FA2H: variants seen among roughly 807,000 people sequenced by gnomAD.
The protein encoded by FA2H is fatty acid 2-hydroxylase.
Under a neutral mutation model 44.9 loss-of-function variants are expected in FA2H, and 22 were observed. The ratio of observed to expected loss-of-function variants is 0.49; its 90% confidence interval spans 0.35 to 0.70. The LOEUF (loss-of-function observed/expected upper bound fraction) is 0.70, where lower values mean the gene tolerates loss of function less well. FA2H is among the 30% of genes least tolerant of loss of function. FA2H has a pLI of 0.01. For synonymous variants in FA2H, 243 were observed against 213.2 expected, an observed-to-expected ratio of 1.14 and a Z score of -1.22; for missense variants, 501 against 504.9, an observed-to-expected ratio of 0.99 and a Z score of 0.07.
In FA2H at chr16:74,740,019, G is replaced by A; in HGVS notation, c.363+4C>T. The A allele has an allele frequency of 6.2e-7, 1 of 1,609,082 alleles. No individual in the cohort carries two copies. Among genetic ancestry groups the A allele is most frequent in the Non-Finnish European group, 8.5e-7 (1 of 1,175,526 alleles). On this transcript the variant is annotated splice_donor_region_variant and intron_variant, in intron 2 of 6. Coordinates refer to ENST00000219368, the MANE Select transcript of FA2H (RefSeq NM_024306.5). ...ATCACCCCACTCCATCCTATGCCAG[G>A]TACCTTGTCCCAATCCACCACTTTG...
At chr16:74,724,094 G>A (rs1961897892) in intron 4 of FA2H, among the ~76,000 whole-genome samples, 2 of 152,030 alleles carry the variant, frequency 1.3e-5, no homozygotes, top group Non-Finnish European at 2.9e-5. Flanking sequence ...TAGAGACTGG[G>A]TTTCACCATG....
intron 2 of FA2H, among the ~76,000 whole-genome samples, chr16:74,727,888 G>A (rs530302683): frequency 5.9e-5 from 9 of 152,234 alleles, no homozygotes; most frequent in Admixed American, 1.3e-4. Flanking sequence ...TCTTGGTGTT[G>A]GCCTGGGTAA....
intron 1 of FA2H, among the ~76,000 whole-genome samples, chr16:74,771,189 TTTTTC>T (rs969673317): frequency 6.6e-6 from 1 of 152,214 alleles, no homozygotes; most frequent in African/African-American, 2.4e-5. Context: ...TTTTCTTTTC[TTTTTC>T]CTTTTCTATT....
chr16:74,741,836 GTATGTGTGTGTA>G (rs1962315222), intron 1 of FA2H, among the ~76,000 whole-genome samples: 3 of 70,798 alleles, frequency 4.2e-5, no homozygotes, highest in Admixed American at 1.5e-4. Flanking sequence ...GTGTGTGTGT[GTATGTGTGTGTA>G]TGTGTGTATG....
chr16:74,738,295 T>TG (rs1255039429), intron 2 of FA2H, among the ~76,000 whole-genome samples: 1 of 152,042 alleles, frequency 6.6e-6, no homozygotes, highest in Non-Finnish European at 1.5e-5. Context: ...GAGCAGTCCA[T>TG]GGGGGAGGAG....
chr16:74,714,013 G>A lies in FA2H; in HGVS notation c.*177C>T. On this transcript the variant is annotated 3_prime_UTR_variant, in exon 7 of 7. Transcript: ENST00000219368. ...CAAGTGGATGTGACCCTCCTACCAG[G>A]GGTCAGGAGGGCGGTCCTGCCTCAG... 1 of 593,558 alleles carries A rather than the reference G, an allele frequency of 1.7e-6. No homozygotes were observed. The highest frequency in any genetic ancestry group is 2.0e-5 in the South Asian group (1 of 49,650). The allele number at this position is 593,558 out of a possible 1,614,324, so 36.8% of individuals were successfully genotyped here.
intron 5 of FA2H, among the ~76,000 whole-genome samples, chr16:74,717,341 G>A (rs1019839326): frequency 4.6e-5 from 7 of 152,172 alleles, no homozygotes; most frequent in Admixed American, 6.5e-5. Context: ...AGATGCTGGC[G>A]TGGGCCTCCC....
At chr16:74,714,374 A>T (rs1017719905) in intron 6 of FA2H, 105 bp from the exon 7 acceptor site, 3 of 769,926 alleles carry the variant, frequency 3.9e-6, no homozygotes, top group Admixed American at 4.0e-5. Flanking sequence ...GACAATGTCA[A>T]TATCTGTCCC....
chr16:74,746,972 G>A (rs1435864380), intron 1 of FA2H, among the ~76,000 whole-genome samples: 5 of 152,146 alleles, frequency 3.3e-5, no homozygotes, highest in African/African-American at 1.2e-4. Flanking sequence ...AGAAGTGGGG[G>A]TTGGACCTGG....
At position 74,770,746 on chromosome 16, in the gene FA2H, A is replaced by G. The variant is rs559173697; in HGVS notation, c.270+3740T>C. Among the ~76,000 whole-genome samples the G allele has an allele frequency of 3.3e-5, 5 of 152,334 alleles. No homozygotes were observed. The South Asian group carries it at 1.0e-3, about 32-fold the overall frequency. ...CTCTGAAGGCAGAAGCTGGCAGCCCAGTGGAGGGCTGGGCTAGTGTGACCA... is the reference window on the plus strand; with the variant it reads ...CTCTGAAGGCAGAAGCTGGCAGCCCGGTGGAGGGCTGGGCTAGTGTGACCA... On this transcript the variant is annotated intron_variant, in intron 1 of 6. Transcript: ENST00000219368.
intron 1 of FA2H, among the ~76,000 whole-genome samples, chr16:74,746,446 A>G (rs1962427069): frequency 1.3e-5 from 2 of 151,148 alleles, no homozygotes; most frequent in African/African-American, 4.9e-5. Flanking sequence ...CTAGCCTCGA[A>G]ATCCTGGCCT....
intron 1 of FA2H, among the ~76,000 whole-genome samples, chr16:74,772,725 T>C (rs1962932165): frequency 6.6e-6 from 1 of 152,208 alleles, no homozygotes; most frequent in Non-Finnish European, 1.5e-5. Context: ...TCACTTTCCA[T>C]GGTTTCAGTA....
chr16:74,727,881 TGGTGTTGGCCTG>T (rs1448905007), intron 2 of FA2H, among the ~76,000 whole-genome samples: 1 of 152,230 alleles, frequency 6.6e-6, no homozygotes, highest in Non-Finnish European at 1.5e-5. Context: ...CCAGGCTTCT[TGGTGTTGGCCTG>T]GGTAATTAAT....
chr16:74,733,965 C>T (rs1962130672), intron 2 of FA2H, among the ~76,000 whole-genome samples: 1 of 152,226 alleles, frequency 6.6e-6, no homozygotes, highest in Non-Finnish European at 1.5e-5. Flanking sequence ...AGGAGGAAAG[C>T]AGGGAAGGCC....
At chr16:74,726,687 G>A (rs2074628) in intron 3 of FA2H, among the ~76,000 whole-genome samples, 14,560 of 152,242 alleles carry the variant, frequency 0.096, 805 homozygotes, top group East Asian at 0.21. Flanking sequence ...ATGCCCGGCA[G>A]GGTCCAGCTT....
chr16:74,735,539 C>T (rs939182428), intron 2 of FA2H, among the ~76,000 whole-genome samples: 17 of 152,144 alleles, frequency 1.1e-4, no homozygotes, highest in African/African-American at 3.6e-4. Flanking sequence ...ACAGCTTGAG[C>T]GCTGGCAGAA....
intron 2 of FA2H, 53 bp from the exon 3 acceptor site, chr16:74,727,439 G>T: frequency 6.3e-7 from 1 of 1,590,022 alleles, no homozygotes; most frequent in Non-Finnish European, 8.6e-7. Flanking sequence ...TCCCATATTC[G>T]TTCTCCCATT....
At chr16:74,748,668 C>G (rs1407077532) in intron 1 of FA2H, among the ~76,000 whole-genome samples, 4 of 151,526 alleles carry the variant, frequency 2.6e-5, no homozygotes. Flanking sequence ...GGACGGCGCA[C>G]GGGGGAGAGA....
chr16:74,749,350 C>G (rs1207488096), intron 1 of FA2H, among the ~76,000 whole-genome samples: 3 of 152,060 alleles, frequency 2.0e-5, no homozygotes, highest in African/African-American at 7.2e-5. Flanking sequence ...TCAGAACCCC[C>G]GAAGCCCACC....
Sources: allele counts gnomAD v4.1 joint callset (sites outside exome capture counted in the v4.1 genomes callset), GRCh38; gene constraint gnomAD v4.1.1; transcripts MANE v1.5; gene names NCBI Gene and HGNC (gene_info 2026-07-23, HGNC 2026-07-21).